NALCN: variants seen among roughly 807,000 people sequenced by gnomAD.
NALCN encodes the protein sodium leak channel NALCN.
Under a neutral mutation model 225.3 loss-of-function variants are expected in NALCN, and 111 were observed. The ratio of observed to expected loss-of-function variants is 0.49; its 90% CI spans 0.42 to 0.58. NALCN has a LOEUF of 0.58. Ranked by LOEUF, NALCN falls within the 20% of genes least tolerant of loss-of-function variation. NALCN has a pLI of 0.00. For missense variants in NALCN, 1,378 were observed against 2,202.4 expected, an observed-to-expected ratio of 0.63 and a Z score of 7.49; for synonymous variants, 764 against 769.0, an observed-to-expected ratio of 0.99 and a Z score of 0.11.
At chr13:101,199,805 A>G (rs911484778) in intron 13 of NALCN, among the ~76,000 whole-genome samples, 1 of 152,094 alleles carries the variant, frequency 6.6e-6, no homozygotes, top group Admixed American at 6.6e-5. Flanking sequence ...AAATAAATAT[A>G]TATATATAGA....
At chr13:101,161,094 G>A (rs1043124633) in intron 15 of NALCN, among the ~76,000 whole-genome samples, 17 of 152,188 alleles carry the variant, frequency 1.1e-4, no homozygotes, top group African/African-American at 4.1e-4. Flanking sequence ...TGAAAACATG[G>A]AGAACTTTAC....
chr13:101,140,157 GT>G (rs2036998201), intron 17 of NALCN, among the ~76,000 whole-genome samples: 1 of 152,194 alleles, frequency 6.6e-6, no homozygotes, highest in African/African-American at 2.4e-5. Context: ...GAAAAAGTAT[GT>G]TTTTGACATT....
intron 7 of NALCN, among the ~76,000 whole-genome samples, chr13:101,321,867 C>T (rs888159053): frequency 4.6e-5 from 7 of 151,762 alleles, no homozygotes; most frequent in East Asian, 1.9e-4. Flanking sequence ...GAGAGAGGAC[C>T]GGAATTGTAG....
chr13:101,303,067 T>C (rs1205388158), intron 7 of NALCN, among the ~76,000 whole-genome samples: 1 of 152,106 alleles, frequency 6.6e-6, no homozygotes, highest in Non-Finnish European at 1.5e-5. Context: ...TATGAGAAAA[T>C]TGTAACCAAT....
intron 10 of NALCN, among the ~76,000 whole-genome samples, chr13:101,263,456 T>A (rs937360097): frequency 1.3e-5 from 2 of 152,362 alleles, no homozygotes; most frequent in Admixed American, 6.5e-5. Context: ...ATATTTCTGC[T>A]GATTTCCATT....
intron 27 of NALCN, among the ~76,000 whole-genome samples, chr13:101,100,481 T>C (rs775261183): frequency 1.3e-5 from 2 of 152,188 alleles, no homozygotes; most frequent in Non-Finnish European, 2.9e-5. Context: ...AAGGGGTTTG[T>C]GGGAAGAGAA....
At chr13:101,107,065 C>T (rs1457568944) in intron 22 of NALCN, among the ~76,000 whole-genome samples, 6 of 152,174 alleles carry the variant, frequency 3.9e-5, no homozygotes, top group Non-Finnish European at 5.9e-5. Context: ...ATCAACTTTA[C>T]GTTATTCTCC....
At chr13:101,379,782 C>T (rs972175475) in intron 3 of NALCN, among the ~76,000 whole-genome samples, 1 of 152,014 alleles carries the variant, frequency 6.6e-6, no homozygotes, top group Non-Finnish European at 1.5e-5. Flanking sequence ...GTTGATGGTG[C>T]AGCAAACCAC....
At chr13:101,084,462 CTT>C (rs2033830518) in intron 30 of NALCN, among the ~76,000 whole-genome samples, 4 of 152,136 alleles carry the variant, frequency 2.6e-5, no homozygotes, top group Non-Finnish European at 4.4e-5. Context: ...TCTCCCTTTC[CTT>C]ACCCAGAGCT....
chr13:101,245,234 A>G (rs1329221542), intron 11 of NALCN, among the ~76,000 whole-genome samples: 1 of 152,190 alleles, frequency 6.6e-6, no homozygotes, highest in African/African-American at 2.4e-5. Context: ...CTTTGTGAGT[A>G]CCTACAAGTT....
intron 3 of NALCN, among the ~76,000 whole-genome samples, chr13:101,381,715 G>A (rs546246879): frequency 4.9e-4 from 74 of 152,058 alleles, no homozygotes; most frequent in African/African-American, 1.7e-3. Context: ...CTGTCTTTAA[G>A]CAATTTACAT....
intron 7 of NALCN, among the ~76,000 whole-genome samples, chr13:101,344,448 T>A (rs2045652686): frequency 6.6e-6 from 1 of 152,164 alleles, no homozygotes; most frequent in Non-Finnish European, 1.5e-5. Context: ...CCACGTTCAG[T>A]ACTATATTCT....
intron 15 of NALCN, among the ~76,000 whole-genome samples, chr13:101,170,353 T>C (rs2038655753): frequency 6.6e-6 from 1 of 152,166 alleles, no homozygotes; most frequent in South Asian, 2.1e-4. Flanking sequence ...CACCTTTTTG[T>C]TCTATCTGGG....
intron 15 of NALCN, among the ~76,000 whole-genome samples, chr13:101,165,854 T>C (rs1224304836): frequency 6.6e-6 from 1 of 152,238 alleles, no homozygotes; most frequent in Non-Finnish European, 1.5e-5. Flanking sequence ...TCCAGAACTT[T>C]TTCATCTTTC....
In NALCN at chr13:101,104,430, A is replaced by C; in HGVS notation, c.2758-4T>G. The C allele has an allele frequency of 6.2e-7, 1 of 1,612,962 alleles. No homozygotes were observed. On this transcript the variant is annotated splice_polypyrimidine_tract_variant and splice_region_variant and intron_variant, in intron 24 of 43. Coordinates refer to ENST00000251127, the MANE Select transcript of NALCN (RefSeq NM_052867.4). The surrounding 1 kb of genome is among the most constrained non-coding windows in gnomAD (Gnocchi z 4.2). ...TCACAAACACATACTCAGCAATCTGAAACGGGCAAAAGGCAGTTTGGTTAC... is the reference window on the plus strand; with the variant it reads ...TCACAAACACATACTCAGCAATCTGCAACGGGCAAAAGGCAGTTTGGTTAC...
At chr13:101,256,279 G>A (rs957338711) in intron 11 of NALCN, among the ~76,000 whole-genome samples, 2 of 151,954 alleles carry the variant, frequency 1.3e-5, no homozygotes, top group African/African-American at 4.8e-5. Flanking sequence ...ACCATATAGA[G>A]ACCATTGATC....
rs1159500513 is a variant in NALCN at position 101,187,161 on chromosome 13, T to G, written c.1764+4756A>C. On this transcript the variant is annotated intron_variant, in intron 14 of 43. Coordinates refer to ENST00000251127, the MANE Select transcript of NALCN (RefSeq NM_052867.4). Reference sequence around the variant, plus strand: ...AGGAGAGATGGAGACAGAGAGAGAATGCGTATTCACATAACTTTTATTACA... The same window carrying G: ...AGGAGAGATGGAGACAGAGAGAGAAGGCGTATTCACATAACTTTTATTACA... Among the ~76,000 whole-genome samples the G allele has an allele frequency of 2.0e-5, 3 of 152,278 alleles. No homozygotes were observed. In the South Asian group the frequency reaches 6.2e-4, roughly 32 times the overall value.
intron 18 of NALCN, among the ~76,000 whole-genome samples, chr13:101,122,285 T>C (rs1028726907): frequency 2.0e-5 from 3 of 152,226 alleles, no homozygotes; most frequent in Non-Finnish European, 4.4e-5. Context: ...AGATCAAATT[T>C]GTATTTTAAA....
chr13:101,404,799 G>C (rs1330649746), intron 1 of NALCN, among the ~76,000 whole-genome samples: 1 of 152,178 alleles, frequency 6.6e-6, no homozygotes, highest in Non-Finnish European at 1.5e-5. Context: ...AATCCTAACT[G>C]TAAGTAAACA....
Sources: allele counts gnomAD v4.1 joint callset (sites outside exome capture counted in the v4.1 genomes callset), GRCh38; gene constraint gnomAD v4.1.1; non-coding constraint Gnocchi (gnomAD v3.1); transcripts MANE v1.5; gene names NCBI Gene and HGNC (gene_info 2026-07-23, HGNC 2026-07-21).